Variants in USP6 observed in about 807,000 individuals in gnomAD.
USP6 encodes the protein ubiquitin carboxyl-terminal hydrolase 6.
In USP6, 128 loss-of-function variants were observed where a neutral mutation model predicts 175.7. The ratio of observed to expected loss-of-function variants is 0.73; its 90% CI spans 0.63 to 0.84. The LOEUF (loss-of-function observed/expected upper bound fraction) is 0.84, where lower values mean the gene tolerates loss of function less well. USP6 is among the 40% of genes least tolerant of loss of function. USP6 has a pLI of 0.00. For synonymous variants in USP6, 562 were observed against 630.6 expected (o/e 0.89, Z 1.63); for missense variants, 1,498 against 1,760.3 (o/e 0.85, Z 2.67).
At chr17:5,119,502 G>A (rs2072604327) in intron 2 of USP6, among the ~76,000 whole-genome samples, 1 of 152,164 alleles carries the variant, frequency 6.6e-6, no homozygotes, top group South Asian at 2.1e-4. Flanking sequence ...GGAAGCAAGC[G>A]AGGCTGGGGC....
Position 5,147,199 on chromosome 17 carries a change from G to C in USP6, c.2431+5G>C. 1.2e-6 allele frequency: 2 copies of C among 1,605,452 alleles called. No homozygotes were observed. Among genetic ancestry groups the C allele is most frequent in the Non-Finnish European group, 1.7e-6 (2 of 1,173,458 alleles). On this transcript the variant is annotated splice_donor_5th_base_variant and intron_variant, in intron 29 of 37. Transcript: ENST00000574788. ...CTTCTAGTCCAACACAAATAGGTAA[G>C]ATAGAACTAGAACTCCTTCTCATGA...
At chr17:5,141,829 C>G (rs1273973280) in intron 23 of USP6, among the ~76,000 whole-genome samples, 174 bp from the exon 24 acceptor site, 1 of 152,108 alleles carries the variant, frequency 6.6e-6, no homozygotes, top group Non-Finnish European at 1.5e-5. Flanking sequence ...ATCACTGTTG[C>G]CAGACATACC....
intron 15 of USP6, 150 bp from the exon 16 acceptor site, chr17:5,135,084 A>C (rs111747362): frequency 1.1e-6 from 1 of 869,730 alleles, no homozygotes; most frequent in Non-Finnish European, 1.9e-6. Flanking sequence ...TTACTGAAAC[A>C]TTTCTTCAAC....
Position 5,132,390 on chromosome 17 carries a change from T to TTACA in USP6, c.156-5_156-2dup, listed in dbSNP as rs2073099192. The TTACA allele has an allele frequency of 6.2e-7, 1 of 1,612,056 alleles. No homozygotes were observed. Among genetic ancestry groups the TTACA allele is most frequent in the African/African-American group, 1.3e-5 (1 of 74,862 alleles). ...CGTCCTCAGCTCTGCCTGGGTTGCC[T>TTACA]TACAGTGAGACGGAGCTGCCTCCTG... On this transcript the variant is annotated splice_region_variant and splice_polypyrimidine_tract_variant and intron_variant, in intron 11 of 37. Coordinates refer to ENST00000574788, the MANE Select transcript of USP6 (RefSeq NM_001304284.2). The surrounding 1 kb of genome is among the most constrained non-coding windows in gnomAD (Gnocchi z 4.7).
At chr17:5,156,733 C>T (rs1331947475) in intron 31 of USP6, among the ~76,000 whole-genome samples, 1 of 151,186 alleles carries the variant, frequency 6.6e-6, no homozygotes, top group Non-Finnish European at 1.5e-5. Flanking sequence ...AGGATAAATA[C>T]ATCTTTTTTT....
In USP6 at chr17:5,132,811, T is replaced by C. The variant is rs879206504; in HGVS notation, c.196-99T>C. On this transcript the variant is annotated intron_variant, in intron 12 of 37. Coordinates refer to ENST00000574788, the MANE Select transcript of USP6 (RefSeq NM_001304284.2). The surrounding 1 kb of genome is among the most constrained non-coding windows in gnomAD (Gnocchi z 4.7). ...TCTGCCCTTCCCTGGCTCCTTCCAG[T>C]TGGGTCCCACCAGGGCTCCAGAGCC... 6.4e-6 allele frequency: 9 copies of C among 1,414,554 alleles called. No homozygotes were observed. Among genetic ancestry groups the C allele is most frequent in the Non-Finnish European group, 8.0e-6 (8 of 999,758 alleles). The allele number at this position is 1,414,554 out of a possible 1,614,324, so 87.6% of individuals were successfully genotyped here. A position where few individuals can be genotyped will look rare whatever the true frequency, so the allele number is the denominator to read the frequency against.
intron 33 of USP6, among the ~76,000 whole-genome samples, chr17:5,164,673 C>T (rs533127905): frequency 2.6e-4 from 39 of 152,354 alleles, no homozygotes; most frequent in East Asian, 7.7e-4. Flanking sequence ...ACCATGGAAA[C>T]GAAGGGCTGT....
At chr17:5,126,826 C>T (rs1477543627) in intron 6 of USP6, 3 of 152,308 alleles carry the variant, frequency 2.0e-5, no homozygotes. Context: ...GACCTTGGTC[C>T]CCCACCTCCC....
chr17:5,117,386 C>T (rs1414735237), intron 1 of USP6, among the ~76,000 whole-genome samples: 3 of 152,022 alleles, frequency 2.0e-5, no homozygotes, highest in South Asian at 2.1e-4. Flanking sequence ...TGTGGAGGCA[C>T]ACACCTGTAA....
chr17:5,142,917 G>A (rs937285973), intron 25 of USP6, among the ~76,000 whole-genome samples: 8 of 152,170 alleles, frequency 5.3e-5, no homozygotes, highest in Admixed American at 1.3e-4. Context: ...TAGGCTGGGC[G>A]CAGGGGCTCA....
Position 5,168,855 on chromosome 17 carries a change from C to A in USP6, c.3317C>A (p.Pro1106Gln), listed in dbSNP as rs376620976. ...IVRFLRESFD[P>Q]SAFLVPRDPA... ...AGATTTCTTCGGGAAAGTTTTGATC[C>A]GAGTGCTTTTTTGGTACCACGAGAC... is the stretch of plus-strand genomic sequence containing the variant. Residue 1106 changes from proline to glutamine, a missense_variant, in exon 35 of 38, where the codon CCG becomes CAG. This residue lies in a region of USP6 where 1,217 missense variants were observed against 1,500.8 expected (regional missense o/e 0.81). Transcript: ENST00000574788. 6.2e-7 allele frequency: 1 copy of A among 1,612,774 alleles called. No individual in the cohort carries two copies. Among genetic ancestry groups the A allele is most frequent in the Non-Finnish European group, 8.5e-7 (1 of 1,179,540 alleles).
At chr17:5,133,208 C>A (rs2073133580) in intron 13 of USP6, among the ~76,000 whole-genome samples, 1 of 152,146 alleles carries the variant, frequency 6.6e-6, no homozygotes, top group South Asian at 2.1e-4. Context: ...CCACCCAGAG[C>A]TCAAGGCTAG....
In USP6 at chr17:5,118,030, C is replaced by T. The variant is rs1367023407; in HGVS notation, c.-1927-170C>T. ...ATTGAAGTGGGCCGAGATCATGCCA[C>T]TGCACTCTAGCCTGGGCAACAGAGT... On this transcript the variant is annotated intron_variant, in intron 1 of 37. Coordinates refer to ENST00000574788, the MANE Select transcript of USP6 (RefSeq NM_001304284.2). Among the ~76,000 whole-genome samples, 9 of 150,492 alleles carry T rather than the reference C, an allele frequency of 6.0e-5. 1 individual carries two copies. The highest frequency in any genetic ancestry group is 6.0e-4 in the Admixed American group (9 of 15,120).
intron 34 of USP6, 28 bp from the exon 35 acceptor site, chr17:5,168,739 G>A (rs1329105743): frequency 1.3e-6 from 2 of 1,534,504 alleles, no homozygotes; most frequent in Non-Finnish European, 1.8e-6. Flanking sequence ...ACCCTTTAAT[G>A]CGATGTTTTC....
At chr17:5,161,964 G>C (rs955068198) in intron 32 of USP6, among the ~76,000 whole-genome samples, 3 of 152,038 alleles carry the variant, frequency 2.0e-5, no homozygotes, top group African/African-American at 4.8e-5. Flanking sequence ...GTGAGCCAAG[G>C]TTGCGCCATT....
chr17:5,145,949 A>G (rs1261041099), intron 27 of USP6, 74 bp from the exon 28 acceptor site: 3 of 1,450,792 alleles, frequency 2.1e-6, no homozygotes, highest in African/African-American at 2.9e-5. Flanking sequence ...CAGGTCAGAT[A>G]TATCTGTACA....
At position 5,139,326 on chromosome 17, in the gene USP6, G is replaced by A; in HGVS notation, c.1150G>A (p.Gly384Arg). 1 of 1,611,784 alleles carries A rather than the reference G, an allele frequency of 6.2e-7. No individual in the cohort carries two copies. Among genetic ancestry groups the A allele is most frequent in the South Asian group, 1.1e-5 (1 of 91,072 alleles). ...ACGTGGTGGGAAGACCCTCTGCAAGGGGTATAGGCAGGCCCCTCCAGGCCC... is the reference window on the plus strand; with the variant it reads ...ACGTGGTGGGAAGACCCTCTGCAAGAGGTATAGGCAGGCCCCTCCAGGCCC... ...ASRGGKTLCK[G>R]YRQAPPGPPA... The change falls in exon 22 of 38, where the codon GGG becomes AGG. Residue 384 changes from glycine to arginine, a missense_variant. By Grantham distance (125) the Gly-to-Arg change is moderately radical. This residue lies in a region of USP6 where 1,217 missense variants were observed against 1,500.8 expected (regional missense o/e 0.81). Coordinates refer to ENST00000574788, the MANE Select transcript of USP6 (RefSeq NM_001304284.2).
At chr17:5,145,188 A>G (rs1398286333) in intron 26 of USP6, among the ~76,000 whole-genome samples, 2 of 152,218 alleles carry the variant, frequency 1.3e-5, no homozygotes, top group African/African-American at 2.4e-5. Flanking sequence ...TATACTTATT[A>G]ATGGACAAAT....
In USP6 at chr17:5,170,839, A is replaced by G; in HGVS notation, c.3878A>G (p.His1293Arg). The change falls in exon 36 of 38, where the codon CAC becomes CGC. Residue 1293 changes from histidine (H) to arginine (R), a missense_variant. This residue lies in a region of USP6 where 1,217 missense variants were observed against 1,500.8 expected (regional missense o/e 0.81). Transcript: ENST00000574788. ...TACAGCAATGGTCAGCTTGGAAACC[A>G]CAGTGAAGAAGACAGCACTGATGAC... Reference protein sequence around the residue: ...DGYSNGQLGNHSEEDSTDDQR... With the variant: ...DGYSNGQLGNRSEEDSTDDQR... The G allele has an allele frequency of 6.2e-7, 1 of 1,613,122 alleles. No homozygotes were observed. The highest frequency in any genetic ancestry group is 8.5e-7 in the Non-Finnish European group (1 of 1,179,866).
Sources: gnomAD v4.1 joint callset for allele counts (sites outside exome capture counted in the v4.1 genomes callset) on GRCh38, gnomAD v4.1.1 for gene constraint, gnomAD v4.1.1 regional missense constraint, Gnocchi (gnomAD v3.1) non-coding constraint, MANE v1.5 for transcripts, NCBI Gene and HGNC (gene_info 2026-07-23, HGNC 2026-07-21) for gene names.